Variants in PRKAR1A observed in about 807,000 individuals in gnomAD.
The protein encoded by PRKAR1A is protein kinase cAMP-dependent type I regulatory subunit alpha, also known as cAMP-dependent protein kinase type I-alpha regulatory subunit.
A neutral mutation model predicts 52.0 loss-of-function variants in PRKAR1A; 3 were observed. The observed-to-expected ratio is 0.06, with a 90% CI of 0.03 to 0.15. The LOEUF (loss-of-function observed/expected upper bound fraction) is 0.15. Ranked by LOEUF, PRKAR1A falls within the 10% of genes least tolerant of loss-of-function variation. The probability of loss-of-function intolerance (pLI) is 1.00; values close to 1 mark genes in which losing one functional copy is unlikely to be tolerated. For synonymous variants in PRKAR1A, 188 were observed against 168.4 expected, an observed-to-expected ratio of 1.12 and a Z score of -0.90; for missense variants, 240 against 477.4, an observed-to-expected ratio of 0.50 and a Z score of 4.63.
the PRKAR1A span, among the ~76,000 whole-genome samples, chr17:68,429,722 G>C: frequency 6.6e-6 from 1 of 152,098 alleles, no homozygotes; most frequent in Non-Finnish European, 1.5e-5. Context: ...CCAAGTAGCT[G>C]GGACTACAGG....
At chr17:68,450,615 T>C in the PRKAR1A span, 1 of 1,379,012 alleles carries the variant, frequency 7.3e-7, no homozygotes, top group Non-Finnish European at 9.9e-7. Flanking sequence ...GTGTTAACAT[T>C]CTCATTAGAA....
At chr17:68,478,335 C>T in the PRKAR1A span, among the ~76,000 whole-genome samples, 1 of 151,986 alleles carries the variant, frequency 6.6e-6, no homozygotes, top group African/African-American at 2.4e-5. Context: ...GCCTGTAGTC[C>T]CAGCTACTCG....
the PRKAR1A span, chr17:68,426,252 G>GGGGGGGGA: frequency 1.2e-6 from 1 of 828,188 alleles, no homozygotes; most frequent in South Asian, 1.3e-5. Context: ...TGGGGAGCGG[G>GGGGGGGGA]GGCTCAAATA....
chr17:68,533,037 A>G lies in PRKAR1A; in HGVS notation c.*2588A>G. 1 of 1,065,838 alleles carries G rather than the reference A, an allele frequency of 9.4e-7. No homozygotes were observed. Among genetic ancestry groups the G allele is most frequent in the Non-Finnish European group, 1.1e-6 (1 of 879,626 alleles). 66.0% of individuals were successfully genotyped at this position (1,065,838 alleles called of 1,614,324 possible). On this transcript the variant is annotated 3_prime_UTR_variant, in exon 11 of 11. Transcript: ENST00000589228. ...GTCAAAAGCTAAAGATTTCCTTTTG[A>G]TTGAAGACAGATTGGTTCTGTGGCC...
chr17:68,421,673 C>G, the PRKAR1A span: 23 of 1,555,334 alleles, frequency 1.5e-5, no homozygotes, highest in East Asian at 1.6e-4. Context: ...TCCTGCCCCC[C>G]TTTCTGCTCA....
the PRKAR1A span, among the ~76,000 whole-genome samples, chr17:68,505,980 TA>T: frequency 2.0e-5 from 3 of 152,248 alleles, no homozygotes; most frequent in Non-Finnish European, 4.4e-5. Context: ...CTAGAATTGC[TA>T]AAACCAAAAG....
chr17:68,545,545 A>C (rs1452839051), intron 11 of PRKAR1A, among the ~76,000 whole-genome samples: 1 of 152,258 alleles, frequency 6.6e-6, no homozygotes, highest in East Asian at 1.9e-4. Flanking sequence ...GCCTTCAGCA[A>C]GTCATAATCT....
chr17:68,536,350 T>C (rs1454399150), downstream of PRKAR1A: 3 of 453,958 alleles, frequency 6.6e-6, no homozygotes, highest in African/African-American at 4.0e-5. Flanking sequence ...ATGAAGACCT[T>C]ACTGTCCTTT....
At chr17:68,461,565 T>C in the PRKAR1A span, among the ~76,000 whole-genome samples, 12 of 152,222 alleles carry the variant, frequency 7.9e-5, no homozygotes, top group Non-Finnish European at 8.8e-5. This position sits in a 1 kb window ranked among gnomAD's most constrained non-coding sequence, Gnocchi z 4.6. Context: ...GTCCTATTCT[T>C]CTTTTTATAA....
the PRKAR1A span, among the ~76,000 whole-genome samples, chr17:68,491,784 C>T: frequency 4.0e-5 from 6 of 150,440 alleles, no homozygotes; most frequent in Non-Finnish European, 5.9e-5. Flanking sequence ...GTGGTGCTAA[C>T]GCACAAAAAA....
the PRKAR1A span, among the ~76,000 whole-genome samples, chr17:68,500,707 G>A: frequency 2.6e-5 from 4 of 151,910 alleles, no homozygotes; most frequent in Non-Finnish European, 5.9e-5. Context: ...AGTAGAGATG[G>A]GGTTTTACCA....
At chr17:68,447,450 T>G in the PRKAR1A span, among the ~76,000 whole-genome samples, 1 of 152,200 alleles carries the variant, frequency 6.6e-6, no homozygotes, top group Non-Finnish European at 1.5e-5. Flanking sequence ...AGCGTGATCA[T>G]AGCTCACTGC....
the PRKAR1A span, chr17:68,435,847 T>C: frequency 1.3e-6 from 1 of 766,438 alleles, no homozygotes; most frequent in South Asian, 1.7e-5. Flanking sequence ...CCCCAGGCCA[T>C]CTGCATGTAA....
chr17:68,538,833 T>A (rs1458639981), intron 11 of PRKAR1A, among the ~76,000 whole-genome samples: 1 of 152,196 alleles, frequency 6.6e-6, no homozygotes, highest in Non-Finnish European at 1.5e-5. Flanking sequence ...TGTGGAAGGA[T>A]GAAAAAGACA....
the PRKAR1A span, chr17:68,427,361 A>C: frequency 3.6e-6 from 3 of 834,502 alleles, no homozygotes; most frequent in Non-Finnish European, 5.7e-6. Flanking sequence ...TCTGTGGGTT[A>C]TTTATTTATT....
chr17:68,457,815 G>A, the PRKAR1A span, among the ~76,000 whole-genome samples: 1 of 152,186 alleles, frequency 6.6e-6, no homozygotes, highest in East Asian at 1.9e-4. Flanking sequence ...CTCTCCATTG[G>A]ACAAAGGCGC....
At chr17:68,551,285 T>C (rs918042926) in exon 12 of PRKAR1A, 1 of 457,268 alleles carries the variant, frequency 2.2e-6, no homozygotes, top group Non-Finnish European at 3.6e-6. Flanking sequence ...GTTGCTGTTG[T>C]TATGAATAAA....
At chr17:68,517,987 A>G (rs962544471) in intron 2 of PRKAR1A, among the ~76,000 whole-genome samples, 1 of 152,194 alleles carries the variant, frequency 6.6e-6, no homozygotes, top group Non-Finnish European at 1.5e-5. Flanking sequence ...CCGAAATCCA[A>G]CGAGGCAGTA....
downstream of PRKAR1A, chr17:68,537,796 C>T (rs1348934467): frequency 3.2e-6 from 5 of 1,556,924 alleles, no homozygotes; most frequent in Admixed American, 3.8e-5. This position sits in a 1 kb window ranked among gnomAD's most constrained non-coding sequence, Gnocchi z 4.2. Flanking sequence ...AAATAACTTG[C>T]CTGAACTTCT....
Sources: gnomAD v4.1 joint callset for allele counts (sites outside exome capture counted in the v4.1 genomes callset) on GRCh38, gnomAD v4.1.1 for gene constraint, Gnocchi (gnomAD v3.1) non-coding constraint, MANE v1.5 for transcripts, NCBI Gene and HGNC (gene_info 2026-07-23, HGNC 2026-07-21) for gene names.